C8orf34: variants seen among roughly 807,000 people sequenced by gnomAD.
C8orf34 encodes the protein chromosome 8 open reading frame 34, also known as uncharacterized protein C8orf34.
C8orf34 carries 65 observed loss-of-function variants against 68.3 expected under a neutral mutation model. The observed-to-expected ratio is 0.95, with a 90% CI of 0.78 to 1.17. C8orf34 has a LOEUF of 1.17. C8orf34 is among the 50% of genes most tolerant of loss of function. The pLI is 0.00. For missense variants in C8orf34, 664 were observed against 655.4 expected, an observed-to-expected ratio of 1.01 and a Z score of -0.14; for synonymous variants, 244 against 241.2, an observed-to-expected ratio of 1.01 and a Z score of -0.11.
intron 3 of C8orf34, among the ~76,000 whole-genome samples, chr8:68,466,464 CGT>C (rs1563463192): frequency 2.6e-5 from 4 of 151,538 alleles, no homozygotes. Flanking sequence ...TTGATCACTA[CGT>C]GTTATATACA....
At chr8:68,511,569 G>GT (rs57623393) in intron 5 of C8orf34, among the ~76,000 whole-genome samples, 33,916 of 151,870 alleles carry the variant, frequency 0.22, 5,883 homozygotes, top group African/African-American at 0.49. Context: ...TGGCAGGAAA[G>GT]TTTTTTTACT....
chr8:68,603,787 C>A (rs1817776050), intron 7 of C8orf34, among the ~76,000 whole-genome samples: 1 of 152,010 alleles, frequency 6.6e-6, no homozygotes, highest in East Asian at 1.9e-4. Context: ...AAGTTGTATA[C>A]TTTCATTGAA....
intron 10 of C8orf34, among the ~76,000 whole-genome samples, chr8:68,751,624 C>G (rs1189503665): frequency 6.6e-6 from 1 of 152,036 alleles, no homozygotes; most frequent in South Asian, 2.1e-4. Context: ...GCCTCTTATG[C>G]TGTGGGTTAG....
chr8:68,671,070 A>T (rs1819992759), intron 8 of C8orf34, among the ~76,000 whole-genome samples: 1 of 152,140 alleles, frequency 6.6e-6, no homozygotes, highest in African/African-American at 2.4e-5. Flanking sequence ...AATTACACTG[A>T]TTCTTTTCAA....
intron 12 of C8orf34, among the ~76,000 whole-genome samples, chr8:68,810,918 G>A (rs527610970): frequency 2.2e-4 from 34 of 152,290 alleles, no homozygotes; most frequent in Middle Eastern, 3.4e-3. Context: ...AGCATCATAA[G>A]TTCTCACTCT....
At chr8:68,639,819 C>A (rs1818951592) in intron 7 of C8orf34, among the ~76,000 whole-genome samples, 1 of 152,056 alleles carries the variant, frequency 6.6e-6, no homozygotes, top group African/African-American at 2.4e-5. Context: ...TGTTTTCCTC[C>A]CCAGGTGAAG....
At chr8:68,715,696 A>G (rs1194662637) in intron 9 of C8orf34, among the ~76,000 whole-genome samples, 1 of 152,034 alleles carries the variant, frequency 6.6e-6, no homozygotes, top group African/African-American at 2.4e-5. Context: ...GTGAAAAAGG[A>G]ACACTTTTAC....
intron 3 of C8orf34, among the ~76,000 whole-genome samples, chr8:68,461,250 A>T (rs1302566424): frequency 6.6e-6 from 1 of 152,218 alleles, no homozygotes; most frequent in African/African-American, 2.4e-5. Flanking sequence ...AAAAACGAAT[A>T]AAAAGAAATG....
At chr8:68,700,406 C>T (rs774676186) in intron 8 of C8orf34, among the ~76,000 whole-genome samples, 3 of 151,890 alleles carry the variant, frequency 2.0e-5, no homozygotes, top group East Asian at 1.9e-4. Flanking sequence ...TAAATGGGTT[C>T]GGCAAAGAGA....
chr8:68,648,869 G>A (rs1387796565), intron 8 of C8orf34, among the ~76,000 whole-genome samples: 3 of 152,172 alleles, frequency 2.0e-5, no homozygotes, highest in African/African-American at 7.2e-5. Context: ...TAAAGCACAA[G>A]TAGATCACTG....
In C8orf34 at chr8:68,521,982, C is replaced by T; in HGVS notation, c.938+11C>T. The T allele has an allele frequency of 6.2e-7, 1 of 1,611,358 alleles. No individual in the cohort carries two copies. Among genetic ancestry groups the T allele is most frequent in the Non-Finnish European group, 8.5e-7 (1 of 1,178,308 alleles). On this transcript the variant is annotated intron_variant, in intron 6 of 13. Coordinates refer to ENST00000518698, the MANE Select transcript of C8orf34 (RefSeq NM_052958.4). ...TAGTCCTGCAGGAAGGTGAGATGAG[C>T]TGTCTGCTGAGATTCTATATTACTA...
Position 68,603,711 on chromosome 8 carries a change from C to T in C8orf34, c.1106-36665C>T, listed in dbSNP as rs554095888. 1.8e-4 allele frequency among the ~76,000 whole-genome samples: 27 copies of T among 151,716 alleles called. No individual in the cohort carries two copies. In the South Asian group the frequency reaches 2.5e-3, roughly 14 times the overall value. ...AGAAGAGACAAAACTAATCTGTGGACGAAAAAAACCACAGTGGGGATATGA... is the reference window on the plus strand; with the variant it reads ...AGAAGAGACAAAACTAATCTGTGGATGAAAAAAACCACAGTGGGGATATGA... On this transcript the variant is annotated intron_variant, in intron 7 of 13. Coordinates refer to ENST00000518698, the MANE Select transcript of C8orf34 (RefSeq NM_052958.4).
chr8:68,675,512 G>A (rs11780310), intron 8 of C8orf34, among the ~76,000 whole-genome samples: 28,326 of 151,398 alleles, frequency 0.19, 3,044 homozygotes, highest in Non-Finnish European at 0.24. Flanking sequence ...TCAAATTGTC[G>A]AAAGTTTAAA....
chr8:68,345,200 G>C (rs1368138311), intron 1 of C8orf34, among the ~76,000 whole-genome samples: 1 of 151,846 alleles, frequency 6.6e-6, no homozygotes, highest in Non-Finnish European at 1.5e-5. Flanking sequence ...AGATGATACA[G>C]AATGGTGAAC....
At chr8:68,425,421 T>G (rs1464378292) in intron 1 of C8orf34, among the ~76,000 whole-genome samples, 1 of 152,162 alleles carries the variant, frequency 6.6e-6, no homozygotes, top group Admixed American at 6.5e-5. Flanking sequence ...TCAATATAGA[T>G]ACATGATCGA....
intron 7 of C8orf34, among the ~76,000 whole-genome samples, chr8:68,576,833 A>G (rs1417321183): frequency 1.3e-5 from 2 of 151,990 alleles, no homozygotes; most frequent in Admixed American, 6.6e-5. Flanking sequence ...AAAGAAACAG[A>G]TTAAATTTAA....
intron 1 of C8orf34, among the ~76,000 whole-genome samples, chr8:68,387,459 G>T (rs1363556658): frequency 6.6e-6 from 1 of 152,136 alleles, no homozygotes; most frequent in Non-Finnish European, 1.5e-5. Context: ...GTTATAGAGT[G>T]TGAGGTATGG....
At chr8:68,441,717 A>T (rs1406049799) in intron 2 of C8orf34, among the ~76,000 whole-genome samples, 3 of 152,168 alleles carry the variant, frequency 2.0e-5, no homozygotes, top group African/African-American at 7.2e-5. Flanking sequence ...CCAATCTACT[A>T]AGATGGATCT....
chr8:68,776,190 G>T lies in C8orf34; in HGVS notation c.1405-209G>T, dbSNP rs139192227. ...TAAAATATATTTTAAAAATCCACTT[G>T]AAAGCTATATTGTTGTTTTGCAAAA... On this transcript the variant is annotated intron_variant, in intron 10 of 13. Transcript: ENST00000518698. 1.5e-3 allele frequency among the ~76,000 whole-genome samples: 228 copies of T among 152,218 alleles called. 1 individual carries two copies. The highest frequency in any genetic ancestry group is 5.3e-3 in the African/African-American group (221 of 41,530).
Sources: allele counts gnomAD v4.1 joint callset (sites outside exome capture counted in the v4.1 genomes callset), GRCh38; gene constraint gnomAD v4.1.1; transcripts MANE v1.5; gene names NCBI Gene and HGNC (gene_info 2026-07-23, HGNC 2026-07-21).